Variants in GNAL observed in about 807,000 individuals in gnomAD.
The protein encoded by GNAL is guanine nucleotide-binding protein G(olf) subunit alpha.
GNAL carries 18 observed loss-of-function variants against 55.1 expected under a neutral mutation model. That is an observed-to-expected ratio of 0.33 (90% CI 0.23 to 0.48). GNAL has a LOEUF of 0.48. Among genes scored for constraint, GNAL ranks in the 20% least tolerant of loss-of-function variants. The pLI, the probability that GNAL is intolerant of heterozygous loss-of-function variation, is 0.99. For synonymous variants in GNAL, 253 were observed against 237.0 expected, an observed-to-expected ratio of 1.07 and a Z score of -0.62; for missense variants, 412 against 614.1, an observed-to-expected ratio of 0.67 and a Z score of 3.48.
At position 11,862,351 on chromosome 18, in the gene GNAL, G is replaced by C. The variant is rs563741619; in HGVS notation, c.723-44G>C. On this transcript the variant is annotated intron_variant, in intron 5 of 11. Coordinates refer to ENST00000334049, the MANE Select transcript of GNAL (RefSeq NM_182978.4). ...AATTTCTCCCCAACCCCAGGGGAAA[G>C]TGGGCAGAGAACAGGCCTCAACCCT... 2.0e-5 allele frequency: 30 copies of C among 1,518,646 alleles called. No homozygotes were observed. In the Admixed American group the frequency reaches 4.0e-4, roughly 20 times the overall value. The allele number at this position is 1,518,646 out of a possible 1,614,324, so 94.1% of individuals were successfully genotyped here.
chr18:11,885,032 A>G lies in GNAL; in HGVS notation c.*3897A>G. Reference sequence around the variant, plus strand: ...CTTCCTGCCCCTTGATGCTCAACTAAGCATCTGTTCCCTAGAAATACATGT... The same window carrying G: ...CTTCCTGCCCCTTGATGCTCAACTAGGCATCTGTTCCCTAGAAATACATGT... On this transcript the variant is annotated 3_prime_UTR_variant, in exon 12 of 12. Coordinates refer to ENST00000334049, the MANE Select transcript of GNAL (RefSeq NM_182978.4). 1 of 1,295,272 alleles carries G rather than the reference A, an allele frequency of 7.7e-7. No individual in the cohort carries two copies. Among genetic ancestry groups the G allele is most frequent in the Non-Finnish European group, 1.0e-6 (1 of 992,904 alleles). The allele number at this position is 1,295,272 out of a possible 1,614,324, so 80.2% of individuals were successfully genotyped here.
At chr18:11,725,244 T>C (rs1456822282) in intron 1 of GNAL, among the ~76,000 whole-genome samples, 2 of 152,106 alleles carry the variant, frequency 1.3e-5, no homozygotes, top group Admixed American at 1.3e-4. Flanking sequence ...AAAATGAGAT[T>C]AGGATGGACC....
In GNAL at chr18:11,751,610, G is replaced by C. The variant is rs2032831331; in HGVS notation, c.377-1243G>C. On this transcript the variant is annotated intron_variant, in intron 1 of 11. Coordinates refer to ENST00000334049, the MANE Select transcript of GNAL (RefSeq NM_182978.4). The surrounding 1 kb of genome is among the most constrained non-coding windows in gnomAD (Gnocchi z 4.5). ...ACGCGTCCGAGCCAACACGGGGCGC[G>C]CGCCCAGACGCACTTTCCCGGCTCG... 1.0e-6 allele frequency: 1 copy of C among 985,192 alleles called. No homozygotes were observed. Among genetic ancestry groups the C allele is most frequent in the Non-Finnish European group, 1.2e-6 (1 of 829,934 alleles). The allele number at this position is 985,192 out of a possible 1,614,324, so 61.0% of individuals were successfully genotyped here.
intron 4 of GNAL, among the ~76,000 whole-genome samples, chr18:11,778,761 AT>A (rs2143336390): frequency 6.6e-6 from 1 of 152,116 alleles, no homozygotes; most frequent in South Asian, 2.1e-4. Context: ...TGGGAGATAC[AT>A]TCCAGGAAGA....
At chr18:11,861,671 G>A (rs922711676) in intron 5 of GNAL, among the ~76,000 whole-genome samples, 12 of 152,142 alleles carry the variant, frequency 7.9e-5, no homozygotes, top group East Asian at 3.9e-4. Flanking sequence ...GAGGGAGCTC[G>A]GCGGCCTCCC....
intron 5 of GNAL, among the ~76,000 whole-genome samples, chr18:11,838,346 G>T (rs1430124899): frequency 6.6e-6 from 1 of 152,190 alleles, no homozygotes; most frequent in Non-Finnish European, 1.5e-5. Flanking sequence ...GAAATGTCCA[G>T]AATAGGTGTA....
At chr18:11,793,917 A>G (rs1469338137) in intron 4 of GNAL, among the ~76,000 whole-genome samples, 2 of 151,934 alleles carry the variant, frequency 1.3e-5, no homozygotes, top group Admixed American at 6.6e-5. Flanking sequence ...TCGGGAAAAA[A>G]AAAAAAAAAA....
chr18:11,770,590 A>T (rs1353839500), intron 4 of GNAL, among the ~76,000 whole-genome samples: 1 of 152,174 alleles, frequency 6.6e-6, no homozygotes, highest in Non-Finnish European at 1.5e-5. Context: ...ATTAAAAATA[A>T]TGTTAAAGAT....
rs539252688 is a variant in GNAL at position 11,750,813 on chromosome 18, A to G, written c.377-2040A>G. On this transcript the variant is annotated intron_variant, in intron 1 of 11. Coordinates refer to ENST00000334049, the MANE Select transcript of GNAL (RefSeq NM_182978.4). ...TGGTGGAACTAACAAGGGGCGTGAG[A>G]TGAAAGGTGTTGTGTGGTTCAGGTG... Among the ~76,000 whole-genome samples the G allele has an allele frequency of 1.4e-4, 22 of 152,204 alleles. No homozygotes were observed. In the South Asian group the frequency reaches 3.9e-3, roughly 27 times the overall value.
intron 4 of GNAL, among the ~76,000 whole-genome samples, chr18:11,772,631 C>G (rs1429549043): frequency 6.6e-6 from 1 of 152,206 alleles, no homozygotes; most frequent in African/African-American, 2.4e-5. Flanking sequence ...TAGCGCAACT[C>G]TCTACGAGAC....
intron 5 of GNAL, among the ~76,000 whole-genome samples, chr18:11,826,748 A>T (rs2035257007): frequency 6.6e-6 from 1 of 152,140 alleles, no homozygotes; most frequent in South Asian, 2.1e-4. Flanking sequence ...TAGGGAAGAG[A>T]TCCAGCTCTG....
Position 11,755,734 on chromosome 18 carries a change from C to A in GNAL, c.624+1789C>A, listed in dbSNP as rs115913320. On this transcript the variant is annotated intron_variant, in intron 4 of 11. Coordinates refer to ENST00000334049, the MANE Select transcript of GNAL (RefSeq NM_182978.4). ...GAAGAAGGGGCTGGGCATCTGGCCC[C>A]ATGTCTTTAACTGGATGGCTTGGAG... 7.9e-3 allele frequency among the ~76,000 whole-genome samples: 1,196 copies of A among 152,242 alleles called. 12 individuals carry two copies. Among genetic ancestry groups the A allele is most frequent in the African/African-American group, 0.023 (956 of 41,546 alleles).
intron 4 of GNAL, among the ~76,000 whole-genome samples, chr18:11,782,780 C>T (rs572663196): frequency 1.1e-4 from 16 of 152,234 alleles, no homozygotes; most frequent in African/African-American, 3.6e-4. Flanking sequence ...AAAGAAAATT[C>T]GTTTTCTAGT....
intron 1 of GNAL, among the ~76,000 whole-genome samples, chr18:11,736,932 G>GA (rs565410838): frequency 1.4e-4 from 22 of 152,184 alleles, no homozygotes; most frequent in Admixed American, 1.3e-3. Flanking sequence ...TGGTTCAGGG[G>GA]AAAAAAATGT....
At chr18:11,693,731 C>G (rs971133806) in intron 1 of GNAL, among the ~76,000 whole-genome samples, 1 of 144,970 alleles carries the variant, frequency 6.9e-6, no homozygotes, top group Non-Finnish European at 1.5e-5. Context: ...TGCACTTGCT[C>G]CAGCAGTGTC....
intron 8 of GNAL, 93 bp downstream of exon 8, chr18:11,867,319 C>T: frequency 1.3e-6 from 1 of 794,868 alleles, no homozygotes; most frequent in Non-Finnish European, 2.2e-6. Flanking sequence ...TAATCTCTAA[C>T]TAATATGTAA....
chr18:11,827,468 G>A (rs1160369714), intron 5 of GNAL, among the ~76,000 whole-genome samples: 1 of 150,364 alleles, frequency 6.7e-6, no homozygotes, highest in Non-Finnish European at 1.5e-5. Context: ...ACAAAAATTA[G>A]CCAGGCATGG....
intron 5 of GNAL, among the ~76,000 whole-genome samples, chr18:11,845,062 C>T (rs1428498421): frequency 6.6e-6 from 1 of 152,140 alleles, no homozygotes; most frequent in African/African-American, 2.4e-5. Context: ...GACAGGGTTT[C>T]ACCATGTTAG....
At chr18:11,733,156 G>A (rs946651182) in intron 1 of GNAL, among the ~76,000 whole-genome samples, 8 of 152,238 alleles carry the variant, frequency 5.3e-5, no homozygotes, top group Non-Finnish European at 7.3e-5. Context: ...GTGGCACAGG[G>A]GCGCTGGCGA....
Sources: allele counts gnomAD v4.1 joint callset (sites outside exome capture counted in the v4.1 genomes callset), GRCh38; gene constraint gnomAD v4.1.1; non-coding constraint Gnocchi (gnomAD v3.1); transcripts MANE v1.5; gene names NCBI Gene and HGNC (gene_info 2026-07-23, HGNC 2026-07-21).